ATP11A: variants seen among roughly 807,000 people sequenced by gnomAD.
ATP11A encodes phospholipid-transporting ATPase IH.
A neutral mutation model predicts 154.4 loss-of-function variants in ATP11A; 81 were observed. The ratio of observed to expected loss-of-function variants is 0.52; its 90% CI spans 0.44 to 0.63. The LOEUF is 0.63. Among genes scored for constraint, ATP11A ranks in the 30% least tolerant of loss-of-function variants. ATP11A has a pLI of 0.00. For missense variants in ATP11A, 1,316 were observed against 1,474.3 expected (o/e 0.89, Z 1.76); for synonymous variants, 623 against 585.9 (o/e 1.06, Z -0.91).
At chr13:112,868,392 T>A (rs995731810) in intron 25 of ATP11A, among the ~76,000 whole-genome samples, 2 of 152,210 alleles carry the variant, frequency 1.3e-5, no homozygotes, top group East Asian at 1.9e-4. Flanking sequence ...AGAAAGCTTC[T>A]ATAGGAATAC....
intron 2 of ATP11A, among the ~76,000 whole-genome samples, chr13:112,792,272 C>G (rs963690360): frequency 3.3e-5 from 5 of 152,050 alleles, no homozygotes; most frequent in Non-Finnish European, 7.4e-5. Flanking sequence ...GTGGAATTCT[C>G]GAGCCTGGAA....
At chr13:112,810,525 C>T in intron 4 of ATP11A, 94 bp from the exon 5 acceptor site, 1 of 1,038,992 alleles carries the variant, frequency 9.6e-7, no homozygotes, top group South Asian at 1.4e-5. Context: ...TATGCTTAGA[C>T]ATAATTAAAC....
At chr13:112,853,283 C>T (rs933293682) in intron 18 of ATP11A, among the ~76,000 whole-genome samples, 2 of 139,726 alleles carry the variant, frequency 1.4e-5, no homozygotes, top group Admixed American at 6.9e-5. Flanking sequence ...TATGTACATA[C>T]ACACACACAC....
chr13:112,826,825 G>A lies in ATP11A; in HGVS notation c.1155G>A (p.Met385Ile). ...GSYFITWDED[M>I]FDEETGEGPL... is the part of the protein sequence containing the mutation. ...ACTTCATCACCTGGGACGAAGACAT[G>A]TTTGACGAGGAGACTGGCGAGGGGC... Residue 385 changes from methionine (M) to isoleucine (I), a missense_variant, in exon 12 of 30, where the codon ATG (methionine) becomes ATA (isoleucine). Met to Ile is a conservative substitution (Grantham distance 10, BLOSUM62 1). Transcript: ENST00000375645. 6.2e-7 allele frequency: 1 copy of A among 1,614,218 alleles called. No homozygotes were observed. Among genetic ancestry groups the A allele is most frequent in the Non-Finnish European group, 8.5e-7 (1 of 1,180,046 alleles).
chr13:112,745,062 T>C (rs181017231), intron 1 of ATP11A, among the ~76,000 whole-genome samples: 121 of 152,348 alleles, frequency 7.9e-4, no homozygotes, highest in African/African-American at 2.9e-3. Flanking sequence ...AGCATAATAA[T>C]AATAACTATT....
intron 8 of ATP11A, among the ~76,000 whole-genome samples, chr13:112,822,909 A>C (rs2078835975): frequency 6.6e-6 from 1 of 152,142 alleles, no homozygotes; most frequent in Admixed American, 6.5e-5. Context: ...CCAGGGTTTC[A>C]GGTTCTGACT....
chr13:112,827,018 G>C, intron 12 of ATP11A, 127 bp downstream of exon 12: 1 of 935,230 alleles, frequency 1.1e-6, no homozygotes, highest in Non-Finnish European at 1.7e-6. Context: ...ACAGCAGCAG[G>C]GTTGTTTTGA....
chr13:112,786,706 C>T (rs893055804), intron 2 of ATP11A, among the ~76,000 whole-genome samples: 3 of 151,260 alleles, frequency 2.0e-5, no homozygotes, highest in Non-Finnish European at 2.9e-5. Flanking sequence ...CACCGTCCTT[C>T]AAAATGGATG....
intron 17 of ATP11A, among the ~76,000 whole-genome samples, chr13:112,849,204 T>C (rs2079692916): frequency 6.6e-6 from 1 of 152,268 alleles, no homozygotes; most frequent in Non-Finnish European, 1.5e-5. Flanking sequence ...GGTCGTGGTG[T>C]ATGATCCTCT....
rs539148369 is a variant in ATP11A, at chr13:112,867,033, G to A, written c.2991+4458G>A. On this transcript the variant is annotated intron_variant, in intron 25 of 29. Coordinates refer to ENST00000375645, the MANE Select transcript of ATP11A (RefSeq NM_015205.3). ...CTTTTATGAGATTTTCTTCCGAGTT[G>A]GGCTTACGTAAGCATCTCGCGTAGC... Among the ~76,000 whole-genome samples the A allele has an allele frequency of 7.3e-3, 994 of 136,352 alleles. 9 individuals are homozygous for A. The highest frequency in any genetic ancestry group is 0.01 in the Non-Finnish European group (649 of 64,302). 89.5% of individuals were successfully genotyped at this position (136,352 alleles called of 152,430 possible). A position where few individuals can be genotyped will look rare whatever the true frequency, so the allele number is the denominator to read the frequency against.
At position 112,816,156 on chromosome 13, in the gene ATP11A, G is replaced by A. The variant is rs760405801; in HGVS notation, c.515G>A (p.Gly172Glu). The A allele has an allele frequency of 8.7e-6, 14 of 1,614,074 alleles. No individual in the cohort carries two copies. The highest frequency in any genetic ancestry group is 8.0e-5 in the African/African-American group (6 of 74,918). The change falls in exon 6 of 30, where the codon GGA (glycine) becomes GAA (glutamate). Residue 172 changes from glycine to glutamate, a missense_variant. Transcript: ENST00000375645. Reference protein sequence around the residue: ...CDLIFLSSNRGDGTCHVTTAS... With the variant: ...CDLIFLSSNREDGTCHVTTAS... ...TTGATCTTCCTTTCCAGCAACCGGG[G>A]AGATGGGACGTGCCACGTCACCACC...
chr13:112,745,767 T>G (rs952604708), intron 1 of ATP11A: 1 of 152,152 alleles, frequency 6.6e-6, no homozygotes, highest in African/African-American at 2.4e-5. Context: ...TTCTAAAGTT[T>G]TGAATTGTAA....
chr13:112,871,892 CTG>C (rs2140415026), intron 26 of ATP11A, 92 bp downstream of exon 26: 1 of 1,348,904 alleles, frequency 7.4e-7, no homozygotes, highest in African/African-American at 1.4e-5. Flanking sequence ...AATTATAACT[CTG>C]TACTGAGGCT....
intron 17 of ATP11A, among the ~76,000 whole-genome samples, chr13:112,849,410 C>T (rs1392047122): frequency 6.6e-6 from 1 of 152,202 alleles, no homozygotes; most frequent in African/African-American, 2.4e-5. Flanking sequence ...AAGAGAAAGT[C>T]CCTGATTGAC....
chr13:112,822,551 CTG>C (rs1326543212), intron 8 of ATP11A, among the ~76,000 whole-genome samples: 2 of 152,026 alleles, frequency 1.3e-5, no homozygotes, highest in Non-Finnish European at 2.9e-5. Flanking sequence ...AGGAATAAGA[CTG>C]TGTTTCATGG....
intron 7 of ATP11A, among the ~76,000 whole-genome samples, chr13:112,819,628 G>A (rs1390374659): frequency 3.9e-5 from 6 of 152,102 alleles, no homozygotes; most frequent in African/African-American, 1.4e-4. Context: ...AAGTGGCTTC[G>A]TGGAACCATA....
intron 1 of ATP11A, among the ~76,000 whole-genome samples, chr13:112,741,968 C>T (rs376637857): frequency 9.2e-5 from 14 of 151,452 alleles, no homozygotes; most frequent in African/African-American, 2.7e-4. Flanking sequence ...CCCTTCCCCA[C>T]GGAAGAGTGG....
intron 2 of ATP11A, among the ~76,000 whole-genome samples, chr13:112,801,579 T>G (rs1258832411): frequency 6.6e-6 from 1 of 152,232 alleles, no homozygotes; most frequent in Non-Finnish European, 1.5e-5. Flanking sequence ...CTTCTGGATG[T>G]TAGAGGCGAT....
Position 112,883,442 on chromosome 13 carries a change from GCGCCACGCTGTGGAA to G in ATP11A, c.*1579_*1593del, listed in dbSNP as rs2080927950. On this transcript the variant is annotated 3_prime_UTR_variant, in exon 30 of 30. Transcript: ENST00000375645. ...AGGAGCCGGCCCTCACGCCCGCCCC[GCGCCACGCTGTGGAA>G]CGGGGCTCCGGCAAGTGAAACCCAG... The G allele has an allele frequency of 2.7e-6, 1 of 374,142 alleles. No homozygotes were observed. The highest frequency in any genetic ancestry group is 2.1e-5 in the African/African-American group (1 of 48,146). The allele number at this position is 374,142 out of a possible 1,614,324, so 23.2% of individuals were successfully genotyped here. A position where few individuals can be genotyped will look rare whatever the true frequency, so the allele number is the denominator to read the frequency against.
Sources: allele counts gnomAD v4.1 joint callset (sites outside exome capture counted in the v4.1 genomes callset), GRCh38; gene constraint gnomAD v4.1.1; transcripts MANE v1.5; gene names NCBI Gene and HGNC (gene_info 2026-07-23, HGNC 2026-07-21).